DNAH11: variants seen among roughly 807,000 people sequenced by gnomAD.
The protein encoded by DNAH11 is axonemal beta dynein heavy chain 11.
DNAH11 carries 442 observed loss-of-function variants against 526.0 expected under a neutral mutation model. The ratio of observed to expected loss-of-function variants is 0.84; its 90% CI spans 0.78 to 0.91. DNAH11 has a LOEUF of 0.91. Among genes scored for constraint, DNAH11 ranks in the 40% least tolerant of loss-of-function variants. The pLI is 0.00. For synonymous variants in DNAH11, 2,461 were observed against 1,935.9 expected (o/e 1.27, Z -7.12); for missense variants, 6,989 against 5,448.7 (o/e 1.28, Z -8.90).
chr7:21,691,707 G>C (rs1699153268), intron 35 of DNAH11, among the ~76,000 whole-genome samples: 1 of 151,802 alleles, frequency 6.6e-6, no homozygotes, highest in Non-Finnish European at 1.5e-5. Flanking sequence ...TTAATATTTT[G>C]ACATATTTTA....
At chr7:21,721,005 G>A in intron 44 of DNAH11, 149 bp downstream of exon 44, 1 of 1,035,484 alleles carries the variant, frequency 9.7e-7, no homozygotes. Flanking sequence ...GCATTCTCTG[G>A]GTAGTCCCAT....
chr7:21,652,062 T>C (rs868111216), intron 28 of DNAH11, among the ~76,000 whole-genome samples: 53 of 152,142 alleles, frequency 3.5e-4, no homozygotes, highest in African/African-American at 1.2e-3. Context: ...AAATTGATAA[T>C]GCTAGAAGCA....
At chr7:21,728,751 G>A (rs2965374) in intron 45 of DNAH11, among the ~76,000 whole-genome samples, 98,193 of 151,654 alleles carry the variant, frequency 0.65, 32,212 homozygotes, top group South Asian at 0.73. Flanking sequence ...GCAAAATACA[G>A]TGGTAGAACA....
intron 61 of DNAH11, 113 bp from the exon 62 acceptor site, chr7:21,801,024 A>T: frequency 8.9e-7 from 1 of 1,118,326 alleles, no homozygotes; most frequent in Non-Finnish European, 1.3e-6. Flanking sequence ...GGCAAAGGTT[A>T]ATGGGGGGAA....
At chr7:21,820,799 T>C (rs546494980) in intron 65 of DNAH11, among the ~76,000 whole-genome samples, 3 of 152,340 alleles carry the variant, frequency 2.0e-5, no homozygotes, top group Non-Finnish European at 2.9e-5. Flanking sequence ...TAAGGGACCA[T>C]GCTTTCCTGG....
chr7:21,854,040 A>G (rs1388288077), intron 67 of DNAH11, among the ~76,000 whole-genome samples: 2 of 152,210 alleles, frequency 1.3e-5, no homozygotes, highest in African/African-American at 4.8e-5. Flanking sequence ...CATTACTCAA[A>G]TTCTGTAGAA....
intron 43 of DNAH11, among the ~76,000 whole-genome samples, chr7:21,719,354 T>G (rs886158572): frequency 1.3e-5 from 2 of 152,254 alleles, no homozygotes; most frequent in African/African-American, 4.8e-5. Context: ...GTAAGGTTTA[T>G]TAACTCTTTC....
chr7:21,781,871 C>A (rs992987437), intron 57 of DNAH11, among the ~76,000 whole-genome samples: 1 of 152,110 alleles, frequency 6.6e-6, no homozygotes, highest in African/African-American at 2.4e-5. Flanking sequence ...GTTTCTCCTT[C>A]TGTGACTTGC....
intron 73 of DNAH11, among the ~76,000 whole-genome samples, chr7:21,869,325 A>G (rs985408051): frequency 1.3e-5 from 2 of 151,982 alleles, no homozygotes; most frequent in African/African-American, 4.8e-5. Flanking sequence ...CAGTGTTATC[A>G]TAGTATCTGG....
chr7:21,807,855 C>T (rs757316448), intron 62 of DNAH11, 28 bp from the exon 63 acceptor site: 4 of 1,575,612 alleles, frequency 2.5e-6, no homozygotes, highest in South Asian at 1.1e-5. Context: ...CCTGCAATTA[C>T]AGCTGAGTAA....
chr7:21,862,909 A>C (rs566517704), intron 69 of DNAH11, among the ~76,000 whole-genome samples: 15 of 144,164 alleles, frequency 1.0e-4, no homozygotes, highest in African/African-American at 3.6e-4. Flanking sequence ...CTAAAAATAC[A>C]AAAAATTAGC....
intron 5 of DNAH11, chr7:21,561,458 A>G (rs1259638425): frequency 1.2e-5 from 3 of 260,574 alleles, no homozygotes; most frequent in Non-Finnish European, 2.1e-5. Context: ...AAAAAAAAAA[A>G]ATAAGTCTGG....
intron 30 of DNAH11, among the ~76,000 whole-genome samples, chr7:21,670,837 A>G (rs143131294): frequency 5.3e-5 from 8 of 151,420 alleles, no homozygotes; most frequent in East Asian, 3.9e-4. Context: ...ATAATAAACA[A>G]TTGGTTATGA....
rs1173998858 is a variant in DNAH11 at position 21,842,605 on chromosome 7, A to T, written c.10753A>T (p.Thr3585Ser). 6.2e-7 allele frequency: 1 copy of T among 1,613,992 alleles called. No individual in the cohort carries two copies. Among genetic ancestry groups the T allele is most frequent in the Non-Finnish European group, 8.5e-7 (1 of 1,179,894 alleles). The change falls in exon 66 of 82, where the codon ACA becomes TCA. Residue 3585 changes from threonine (T) to serine (S), a missense_variant. Thr to Ser is a moderately conservative substitution (Grantham distance 58, BLOSUM62 1). Transcript: ENST00000409508. Reference protein sequence around the residue: ...FNKNFRLILHTKLANPHYKPE... With the variant: ...FNKNFRLILHSKLANPHYKPE... ...CAAGAACTTTCGCCTTATCCTTCAC[A>T]CAAAATTGGCAAATCCTCACTATAA...
intron 71 of DNAH11, 55 bp downstream of exon 71, chr7:21,866,718 G>C (rs1006162060): frequency 1.3e-6 from 2 of 1,519,528 alleles, no homozygotes; most frequent in East Asian, 2.3e-5. Context: ...AGGAAATGTA[G>C]TCTGAAGAGT....
chr7:21,681,187 G>A (rs778538879), intron 30 of DNAH11, among the ~76,000 whole-genome samples: 8 of 152,242 alleles, frequency 5.3e-5, no homozygotes, highest in African/African-American at 1.9e-4. Context: ...AGCATTTTGG[G>A]AGGCCGAGGT....
At chr7:21,747,401 G>T (rs1786195150) in intron 51 of DNAH11, among the ~76,000 whole-genome samples, 3 of 152,086 alleles carry the variant, frequency 2.0e-5, no homozygotes, top group African/African-American at 7.2e-5. Context: ...GTTTGTTCAG[G>T]TTCTGAAGTT....
At position 21,797,589 on chromosome 7, in the gene DNAH11, C is replaced by T. The variant is rs576600022; in HGVS notation, c.10027-3548C>T. On this transcript the variant is annotated intron_variant, in intron 61 of 81. Coordinates refer to ENST00000409508, the MANE Select transcript of DNAH11 (RefSeq NM_001277115.2). ...TTATATTAACTGTATTCATGTGAGACACTAGTGCTCCTTTCAAATCTCTGA... is the reference window on the plus strand; with the variant it reads ...TTATATTAACTGTATTCATGTGAGATACTAGTGCTCCTTTCAAATCTCTGA... 2.6e-5 allele frequency among the ~76,000 whole-genome samples: 4 copies of T among 152,306 alleles called. No individual in the cohort carries two copies. The East Asian group carries it at 5.8e-4, about 22-fold the overall frequency.
At chr7:21,722,562 C>G (rs1432804498) in intron 44 of DNAH11, among the ~76,000 whole-genome samples, 3 of 152,118 alleles carry the variant, frequency 2.0e-5, no homozygotes, top group Admixed American at 6.5e-5. Context: ...TACCATAACT[C>G]ATGCCTATTA....
Sources: gnomAD v4.1 joint callset for allele counts (sites outside exome capture counted in the v4.1 genomes callset) on GRCh38, gnomAD v4.1.1 for gene constraint, MANE v1.5 for transcripts, NCBI Gene and HGNC (gene_info 2026-07-23, HGNC 2026-07-21) for gene names.